Variants in POU2F1 observed in about 807,000 individuals in gnomAD.
The protein encoded by POU2F1 is POU domain, class 2, transcription factor 1.
Under a neutral mutation model 84.9 loss-of-function variants are expected in POU2F1, and 16 were observed. The observed-to-expected ratio is 0.19, with a 90% CI of 0.13 to 0.29. The LOEUF (loss-of-function observed/expected upper bound fraction) is 0.29. POU2F1 is among the 10% of genes least tolerant of loss of function. The pLI is 1.00. For synonymous variants in POU2F1, 368 were observed against 368.3 expected (o/e 1.00, Z 0.01); for missense variants, 738 against 942.6 (o/e 0.78, Z 2.84).
chr1:167,399,798 C>CA (rs1649064992), intron 12 of POU2F1, among the ~76,000 whole-genome samples: 1 of 150,534 alleles, frequency 6.6e-6, no homozygotes, highest in East Asian at 2.0e-4. Context: ...CTTGGCCTCC[C>CA]GAGTAGCTGG....
intron 2 of POU2F1, among the ~76,000 whole-genome samples, chr1:167,334,596 G>A (rs769424042): frequency 3.9e-5 from 6 of 152,180 alleles, no homozygotes; most frequent in Non-Finnish European, 8.8e-5. Flanking sequence ...TATAAGGTAA[G>A]TTCTGACTGG....
chr1:167,304,714 A>G lies in POU2F1; in HGVS notation c.62-27756A>G, dbSNP rs529828237. 4.6e-5 allele frequency among the ~76,000 whole-genome samples: 7 copies of G among 152,368 alleles called. No homozygotes were observed. In the South Asian group the frequency reaches 1.4e-3, roughly 32 times the overall value. The stretch of plus-strand genomic sequence containing the variant: ...TATCCCCCTTTAAAAATGTTTATGA[A>G]ATATTTGTATATCGTAAACTATGTT... On this transcript the variant is annotated intron_variant, in intron 1 of 15. Transcript: ENST00000367866.
intron 1 of POU2F1, among the ~76,000 whole-genome samples, chr1:167,275,675 A>G (rs563829417): frequency 5.9e-5 from 9 of 152,302 alleles, no homozygotes; most frequent in Admixed American, 4.6e-4. Flanking sequence ...CCAAAATTCT[A>G]TGCTTACTAT....
intron 1 of POU2F1, among the ~76,000 whole-genome samples, chr1:167,246,453 T>C (rs1650326556): frequency 6.6e-6 from 1 of 152,234 alleles, no homozygotes; most frequent in Admixed American, 6.5e-5. Flanking sequence ...CTGTGTGTTT[T>C]ACTTTTCTCT....
In POU2F1 at chr1:167,421,203, C is replaced by T. The variant is rs191501038; in HGVS notation, c.*5393C>T. The T allele has an allele frequency of 1.3e-5, 2 of 152,250 alleles. No individual in the cohort carries two copies. Among genetic ancestry groups the T allele is most frequent in the East Asian group, 3.9e-4 (2 of 5,176 alleles). The allele number at this position is 152,250 out of a possible 1,614,324, so 9.4% of individuals were successfully genotyped here. On this transcript the variant is annotated 3_prime_UTR_variant, in exon 16 of 16. Coordinates refer to ENST00000367866, the MANE Select transcript of POU2F1 (RefSeq NM_002697.4). ...ACTTGGCTTTTGAGAAGGGAAAAAT[C>T]CTCTTTGCTATTTCTGTAAGAAGAA...
At chr1:167,346,725 C>T (rs542267424) in intron 2 of POU2F1, among the ~76,000 whole-genome samples, 3 of 152,334 alleles carry the variant, frequency 2.0e-5, no homozygotes, top group African/African-American at 7.2e-5. Context: ...TCACCTCCTG[C>T]TGTGCAGCCT....
chr1:167,378,776 CTATT>C (rs949913723), intron 7 of POU2F1, among the ~76,000 whole-genome samples: 1 of 151,828 alleles, frequency 6.6e-6, no homozygotes. Flanking sequence ...CGTTCTTGCT[CTATT>C]TGTTTGTTTG....
chr1:167,415,939 G>GATAA lies in POU2F1; in HGVS notation c.*130_*131insTAAA. ...TGTTGTGAGGGCAAAGGAGAGAAGGGAGAAAAAAAAAAAAAAACCACACAC... is the reference window on the plus strand; with the variant it reads ...TGTTGTGAGGGCAAAGGAGAGAAGGGATAAAGAAAAAAAAAAAAAAACCACACAC... On this transcript the variant is annotated 3_prime_UTR_variant, in exon 16 of 16. Transcript: ENST00000367866. 2.5e-6 allele frequency: 1 copy of GATAA among 400,546 alleles called. No individual in the cohort carries two copies. The highest frequency in any genetic ancestry group is 5.6e-5 in the Admixed American group (1 of 17,780). 24.8% of individuals were successfully genotyped at this position (400,546 alleles called of 1,614,324 possible). A position where few individuals can be genotyped will look rare whatever the true frequency, so the allele number is the denominator to read the frequency against.
intron 3 of POU2F1, among the ~76,000 whole-genome samples, chr1:167,367,821 T>C (rs1312830253): frequency 2.0e-5 from 3 of 152,080 alleles, no homozygotes; most frequent in East Asian, 3.9e-4. Context: ...TGAGGTCTTA[T>C]TATGTTGCCC....
At chr1:167,290,739 T>C (rs1653867396) in intron 1 of POU2F1, among the ~76,000 whole-genome samples, 1 of 152,220 alleles carries the variant, frequency 6.6e-6, no homozygotes, top group Non-Finnish European at 1.5e-5. Context: ...AAAACATTGA[T>C]GACTTTTTAA....
At chr1:167,283,155 G>T (rs1167327706) in intron 1 of POU2F1, among the ~76,000 whole-genome samples, 1 of 151,968 alleles carries the variant, frequency 6.6e-6, no homozygotes, top group African/African-American at 2.4e-5. Flanking sequence ...TTGAGGGCAG[G>T]AACTAAATCT....
chr1:167,282,684 T>G lies in POU2F1; in HGVS notation c.62-49786T>G, dbSNP rs146396201. Among the ~76,000 whole-genome samples, 28 of 152,326 alleles carry G rather than the reference T, an allele frequency of 1.8e-4. 1 individual carries two copies. In the East Asian group the frequency reaches 5.2e-3, roughly 28 times the overall value. Reference sequence around the variant, plus strand: ...CATTTTCTTCCCATGTTCTACTTTTTCTGTACTTTTCCACCCTCATAATAC... The same window carrying G: ...CATTTTCTTCCCATGTTCTACTTTTGCTGTACTTTTCCACCCTCATAATAC... On this transcript the variant is annotated intron_variant, in intron 1 of 15. Coordinates refer to ENST00000367866, the MANE Select transcript of POU2F1 (RefSeq NM_002697.4).
intron 8 of POU2F1, among the ~76,000 whole-genome samples, chr1:167,386,262 A>G (rs1157917992): frequency 6.6e-6 from 1 of 152,308 alleles, no homozygotes; most frequent in African/African-American, 2.4e-5. Flanking sequence ...GCACAATCAC[A>G]GCCCACTCTA....
At chr1:167,313,498 T>C (rs1237268275) in intron 1 of POU2F1, among the ~76,000 whole-genome samples, 30 of 152,152 alleles carry the variant, frequency 2.0e-4, no homozygotes, top group Non-Finnish European at 8.8e-5. Context: ...GAACGGAATA[T>C]TGAACCCAGA....
At chr1:167,363,033 A>G (rs1659446420) in intron 2 of POU2F1, among the ~76,000 whole-genome samples, 3 of 152,166 alleles carry the variant, frequency 2.0e-5, no homozygotes, top group African/African-American at 7.2e-5. Context: ...TACAGAGACC[A>G]TGCCTTCAGC....
At chr1:167,329,982 A>G (rs1268522082) in intron 1 of POU2F1, among the ~76,000 whole-genome samples, 1 of 152,168 alleles carries the variant, frequency 6.6e-6, no homozygotes, top group Non-Finnish European at 1.5e-5. Flanking sequence ...AGCCTTTTGG[A>G]GTGGAAGATG....
chr1:167,275,375 A>C (rs896612216), intron 1 of POU2F1, among the ~76,000 whole-genome samples: 1 of 151,420 alleles, frequency 6.6e-6, no homozygotes, highest in African/African-American at 2.4e-5. Context: ...GTGTTTTCTT[A>C]CAGAAGACTT....
intron 11 of POU2F1, 151 bp downstream of exon 11, chr1:167,398,284 A>G (rs894185308): frequency 1.5e-5 from 14 of 964,560 alleles, no homozygotes; most frequent in African/African-American, 5.0e-5. Flanking sequence ...AGTTACTAAC[A>G]TAGGAGACAG....
At chr1:167,362,746 T>C (rs1659425169) in intron 2 of POU2F1, among the ~76,000 whole-genome samples, 2 of 152,094 alleles carry the variant, frequency 1.3e-5, no homozygotes, top group African/African-American at 2.4e-5. Context: ...ATTGGCTAAT[T>C]TGAATAATTT....
Sources: allele counts gnomAD v4.1 joint callset (sites outside exome capture counted in the v4.1 genomes callset), GRCh38; gene constraint gnomAD v4.1.1; transcripts MANE v1.5; gene names NCBI Gene and HGNC (gene_info 2026-07-23, HGNC 2026-07-21).